PAH: variants seen among roughly 807,000 people sequenced by gnomAD.
PAH encodes the protein phenylalanine hydroxylase.
PAH carries 64 observed loss-of-function variants against 62.0 expected under a neutral mutation model. The ratio of observed to expected loss-of-function variants is 1.03; its 90% CI spans 0.84 to 1.27. The LOEUF is 1.27. Among genes scored for constraint, PAH ranks in the 50% most tolerant of loss-of-function variants. PAH has a pLI of 0.00. For missense variants in PAH, 579 were observed against 542.8 expected (o/e 1.07, Z -0.66); for synonymous variants, 195 against 196.2 (o/e 0.99, Z 0.05).
chr12:102,899,855 T>C (rs1329094972), intron 2 of PAH, among the ~76,000 whole-genome samples: 1 of 20,688 alleles, frequency 4.8e-5, no homozygotes, highest in African/African-American at 4.4e-4. Flanking sequence ...CGAGACTCCG[T>C]CTCAAAAAAA....
intron 4 of PAH, among the ~76,000 whole-genome samples, chr12:102,876,266 T>C (rs1269345192): frequency 2.0e-5 from 3 of 152,232 alleles, no homozygotes; most frequent in Admixed American, 6.5e-5. Context: ...CAATCATTCA[T>C]ATTTCAAAAG....
intron 1 of PAH, among the ~76,000 whole-genome samples, chr12:102,915,947 C>T (rs1385583003): frequency 6.6e-6 from 1 of 152,054 alleles, no homozygotes; most frequent in Non-Finnish European, 1.5e-5. Flanking sequence ...CTATAAAGAA[C>T]TTTAAACCCC....
chr12:102,853,409 A>G, intron 6 of PAH: 1 of 256,172 alleles, frequency 3.9e-6, no homozygotes, highest in East Asian at 9.7e-5. Flanking sequence ...ACTGCACCTC[A>G]CACAGTCTAC....
chr12:102,890,333 T>C (rs1877225748), intron 3 of PAH, among the ~76,000 whole-genome samples: 1 of 152,198 alleles, frequency 6.6e-6, no homozygotes, highest in Admixed American at 6.5e-5. Flanking sequence ...CTACAATGCT[T>C]TTCTTCCTCT....
intron 1 of PAH, among the ~76,000 whole-genome samples, chr12:102,931,172 C>T (rs982617923): frequency 1.3e-5 from 2 of 152,106 alleles, no homozygotes; most frequent in Non-Finnish European, 2.9e-5. Flanking sequence ...GTTCTAAAGA[C>T]ATATTCATTT....
chr12:102,865,664 G>A (rs1441122338), intron 5 of PAH, among the ~76,000 whole-genome samples: 1 of 152,174 alleles, frequency 6.6e-6, no homozygotes, highest in Non-Finnish European at 1.5e-5. Flanking sequence ...CAGGATCCAA[G>A]GCCCAGATGG....
chr12:102,950,053 T>C (rs1434318352), intron 1 of PAH: 1 of 152,250 alleles, frequency 6.6e-6, no homozygotes, highest in African/African-American at 2.4e-5. Flanking sequence ...GTTATCTATT[T>C]CTGTCTGTTT....
intron 2 of PAH, among the ~76,000 whole-genome samples, chr12:102,911,764 G>A (rs1013074583): frequency 2.6e-5 from 4 of 152,178 alleles, no homozygotes; most frequent in African/African-American, 7.2e-5. Context: ...ATATCTAATC[G>A]TATCCAGTCA....
intron 5 of PAH, among the ~76,000 whole-genome samples, chr12:102,864,412 G>A (rs979687018): frequency 2.0e-5 from 3 of 152,132 alleles, no homozygotes; most frequent in African/African-American, 7.2e-5. Flanking sequence ...AGTTATTGGG[G>A]CTGCTCATCC....
upstream of PAH, among the ~76,000 whole-genome samples, chr12:102,920,580 C>A (rs1018436887): frequency 1.3e-5 from 2 of 152,192 alleles, no homozygotes; most frequent in Non-Finnish European, 2.9e-5. Flanking sequence ...AGAAACAAAA[C>A]CTACATGACC....
chr12:102,861,579 C>A (rs371514331), intron 5 of PAH, among the ~76,000 whole-genome samples: 2 of 152,146 alleles, frequency 1.3e-5, no homozygotes, highest in East Asian at 3.8e-4. Context: ...TTGGAACCAA[C>A]CCAAATGTCC....
At chr12:102,953,003 T>A (rs1879813988), upstream of PAH, among the ~76,000 whole-genome samples, 1 of 152,198 alleles carries the variant, frequency 6.6e-6, no homozygotes, top group Non-Finnish European at 1.5e-5. Flanking sequence ...GGCAGTAGAT[T>A]GTGCAGTAAA....
At chr12:102,958,327 C>A in exon 1 of PAH, 1 of 1,466,456 alleles carries the variant, frequency 6.8e-7, no homozygotes. Context: ...CTGCCGCCCG[C>A]AGCCTGTTTC....
intron 11 of PAH, among the ~76,000 whole-genome samples, chr12:102,841,537 A>G (rs1874595676): frequency 6.6e-6 from 1 of 152,162 alleles, no homozygotes; most frequent in Non-Finnish European, 1.5e-5. Context: ...AAATTGGGGC[A>G]TTAGTGGTAC....
chr12:102,874,807 T>A (rs148270643), intron 4 of PAH, among the ~76,000 whole-genome samples: 6 of 152,340 alleles, frequency 3.9e-5, no homozygotes, highest in Non-Finnish European at 7.3e-5. Flanking sequence ...TTTCCCTCTG[T>A]CTTGGAAACA....
intron 8 of PAH, 76 bp from the exon 9 acceptor site, chr12:102,847,027 A>C: frequency 8.1e-7 from 1 of 1,238,242 alleles, no homozygotes. Context: ...CTTGGCCATA[A>C]AAAGGTGATG....
rs5030842 is a variant in PAH, at chr12:102,894,888, A to G, written c.199T>C (p.Ser67Pro). 1.9e-6 allele frequency: 3 copies of G among 1,613,926 alleles called. No individual in the cohort carries two copies. The highest frequency in any genetic ancestry group is 2.5e-6 in the Non-Finnish European group (3 of 1,179,866). ...TCTTTCTTTAAACGAGAAGGTCTAG[A>G]TTCAATGTGGGTCAGGTTTACATCA... Reference protein sequence around the residue: ...ENDVNLTHIESRPSRLKKDEY... With the variant: ...ENDVNLTHIEPRPSRLKKDEY... The change falls in exon 3 of 13, where the codon TCT (serine) becomes CCT (proline). Residue 67 changes from serine to proline, a missense_variant. Ser to Pro is a moderately conservative substitution (Grantham distance 74). Transcript: ENST00000553106.
At chr12:102,947,417 T>C (rs1014094912) in intron 1 of PAH, among the ~76,000 whole-genome samples, 1 of 152,164 alleles carries the variant, frequency 6.6e-6, no homozygotes, top group African/African-American at 2.4e-5. Context: ...AATATTCCAG[T>C]AGCAATGTTG....
chr12:102,889,408 T>G (rs1242844065), intron 3 of PAH, among the ~76,000 whole-genome samples: 1 of 107,064 alleles, frequency 9.3e-6, no homozygotes, highest in Non-Finnish European at 2.1e-5. Flanking sequence ...ACAACATAGA[T>G]AGATAGATAG....
Sources: gnomAD v4.1 joint callset for allele counts (sites outside exome capture counted in the v4.1 genomes callset) on GRCh38, gnomAD v4.1.1 for gene constraint, MANE v1.5 for transcripts, NCBI Gene and HGNC (gene_info 2026-07-23, HGNC 2026-07-21) for gene names.